The following MACROD2 variants were observed in gnomAD, a reference collection of about 807,000 sequenced individuals.
The protein encoded by MACROD2 is mono-ADP ribosylhydrolase 2.
MACROD2 carries 36 observed loss-of-function variants against 70.4 expected under a neutral mutation model. The observed-to-expected ratio is 0.51, with a 90% CI of 0.39 to 0.68. The LOEUF is 0.68. Ranked by LOEUF, MACROD2 falls within the 30% of genes least tolerant of loss-of-function variation. The probability of loss-of-function intolerance (pLI) is 0.00; values close to 1 mark genes in which losing one functional copy is unlikely to be tolerated. For synonymous variants in MACROD2, 172 were observed against 178.8 expected (o/e 0.96, Z 0.30); for missense variants, 496 against 538.4 (o/e 0.92, Z 0.78).
At chr20:15,847,868 T>C (rs1342246036) in intron 8 of MACROD2, among the ~76,000 whole-genome samples, 1 of 146,166 alleles carries the variant, frequency 6.8e-6, no homozygotes, top group Non-Finnish European at 1.5e-5. Flanking sequence ...CTTTTGTCAT[T>C]GTTTTAATTG....
At chr20:14,911,456 C>A (rs2074026580) in intron 5 of MACROD2, among the ~76,000 whole-genome samples, 2 of 152,120 alleles carry the variant, frequency 1.3e-5, no homozygotes, top group African/African-American at 2.4e-5. Flanking sequence ...TGGCTCACTG[C>A]AGCCTCGGCC....
chr20:14,608,634 A>G (rs1982963481), intron 4 of MACROD2, among the ~76,000 whole-genome samples: 1 of 152,172 alleles, frequency 6.6e-6, no homozygotes, highest in Admixed American at 6.6e-5. Context: ...AGTGGATGAA[A>G]CAGTAAGGTC....
intron 5 of MACROD2, among the ~76,000 whole-genome samples, chr20:15,162,440 A>AGG (rs2076355341): frequency 6.6e-6 from 1 of 152,044 alleles, no homozygotes; most frequent in Non-Finnish European, 1.5e-5. Context: ...TCCAGGAAAA[A>AGG]AATCCACCTG....
chr20:15,402,274 G>A (rs2021974), intron 6 of MACROD2, among the ~76,000 whole-genome samples: 74,414 of 151,948 alleles, frequency 0.49, 20,033 homozygotes, highest in African/African-American at 0.71. Context: ...GTTCTCCAGA[G>A]GCAAGAGGAA....
intron 5 of MACROD2, among the ~76,000 whole-genome samples, chr20:14,798,563 T>C (rs1042614752): frequency 1.3e-5 from 2 of 152,132 alleles, no homozygotes; most frequent in African/African-American, 4.8e-5. Context: ...ACCTTAATGG[T>C]TGTGTAGCTG....
chr20:15,788,220 A>G (rs755337185), intron 8 of MACROD2, among the ~76,000 whole-genome samples: 3 of 152,060 alleles, frequency 2.0e-5, no homozygotes, highest in Non-Finnish European at 4.4e-5. Context: ...CTTAGAAAAC[A>G]CCTTAGAAAA....
At chr20:15,695,329 T>C (rs933041730) in intron 8 of MACROD2, among the ~76,000 whole-genome samples, 27 of 152,210 alleles carry the variant, frequency 1.8e-4, no homozygotes, top group Non-Finnish European at 1.9e-4. Flanking sequence ...TTTTACAATA[T>C]TAATTCTACC....
Position 15,989,969 on chromosome 20 carries a change from A to C in MACROD2, c.1153+2811A>C, listed in dbSNP as rs557200885. Reference sequence around the variant, plus strand: ...CCAGGTATATGGGCACAGATGTTGCAACATTAAGTTTTGAAGTTAGTTCTA... The same window carrying C: ...CCAGGTATATGGGCACAGATGTTGCCACATTAAGTTTTGAAGTTAGTTCTA... On this transcript the variant is annotated intron_variant, in intron 15 of 17. Transcript: ENST00000684519. Among the ~76,000 whole-genome samples the C allele has an allele frequency of 3.9e-5, 6 of 152,296 alleles. No individual in the cohort carries two copies. In the South Asian group the frequency reaches 1.0e-3, roughly 26 times the overall value.
At chr20:14,998,464 A>G (rs8120348) in intron 5 of MACROD2, among the ~76,000 whole-genome samples, 1,532 of 152,306 alleles carry the variant, frequency 0.01, 27 homozygotes, top group African/African-American at 0.035. Context: ...CTGGAGTGGA[A>G]AAATTCAACC....
intron 5 of MACROD2, among the ~76,000 whole-genome samples, chr20:14,755,004 G>A (rs541540810): frequency 6.6e-6 from 1 of 152,128 alleles, no homozygotes; most frequent in Non-Finnish European, 1.5e-5. Context: ...GCTTTGTCCT[G>A]AGGGGATCTT....
intron 2 of MACROD2, among the ~76,000 whole-genome samples, chr20:14,059,134 A>T (rs1569139429): frequency 6.6e-6 from 1 of 152,168 alleles, no homozygotes; most frequent in Non-Finnish European, 1.5e-5. Context: ...AAGATACATT[A>T]ATTTCCCCAG....
intron 2 of MACROD2, among the ~76,000 whole-genome samples, chr20:14,005,698 C>T (rs1762940512): frequency 6.6e-6 from 1 of 151,912 alleles, no homozygotes; most frequent in Non-Finnish European, 1.5e-5. Flanking sequence ...CACCTCCTGG[C>T]TTCAAGCAAT....
At chr20:15,095,767 T>G (rs2075826589) in intron 5 of MACROD2, among the ~76,000 whole-genome samples, 1 of 152,098 alleles carries the variant, frequency 6.6e-6, no homozygotes, top group South Asian at 2.1e-4. Context: ...TCCACCCACC[T>G]TGGCCTCCCG....
chr20:14,420,252 A>G (rs994106832), intron 3 of MACROD2, among the ~76,000 whole-genome samples: 4 of 151,812 alleles, frequency 2.6e-5, no homozygotes, highest in African/African-American at 9.7e-5. Context: ...TATGTTCATT[A>G]TGGTAGTTCT....
chr20:15,581,240 A>G (rs1945502649), intron 8 of MACROD2, among the ~76,000 whole-genome samples: 1 of 152,206 alleles, frequency 6.6e-6, no homozygotes, highest in Admixed American at 6.5e-5. Flanking sequence ...CCTGACAAGA[A>G]TATATTTGCA....
intron 5 of MACROD2, among the ~76,000 whole-genome samples, chr20:15,015,833 G>A (rs1374305087): frequency 6.6e-6 from 1 of 152,224 alleles, no homozygotes; most frequent in East Asian, 1.9e-4. Flanking sequence ...TGCTTTAGCA[G>A]CAAGATGGTT....
intron 3 of MACROD2, among the ~76,000 whole-genome samples, chr20:14,320,220 A>G (rs2082646548): frequency 6.6e-6 from 1 of 152,122 alleles, no homozygotes; most frequent in Non-Finnish European, 1.5e-5. Flanking sequence ...CCTGTGCTGA[A>G]AATCTTCATC....
chr20:14,066,653 T>G lies in MACROD2; in HGVS notation c.164-18968T>G, dbSNP rs1273344951. On this transcript the variant is annotated intron_variant, in intron 2 of 17. Transcript: ENST00000684519. The stretch of plus-strand genomic sequence containing the variant: ...CAATTATTTACTACATGTGACTCAC[T>G]GTAATACTTTAGTTCTAGTCTATAC... Among the ~76,000 whole-genome samples the G allele has an allele frequency of 4.6e-5, 7 of 152,194 alleles. No homozygotes were observed. In the East Asian group the frequency reaches 1.3e-3, roughly 29 times the overall value.
At position 15,738,445 on chromosome 20, in the gene MACROD2, C is replaced by G. The variant is rs115730152; in HGVS notation, c.646-124300C>G. Among the ~76,000 whole-genome samples the G allele has an allele frequency of 2.4e-3, 371 of 152,096 alleles. 1 individual carries two copies. Among genetic ancestry groups the G allele is most frequent in the African/African-American group, 8.1e-3 (334 of 41,480 alleles). ...AAATTAAGGAAGAGGACACGTTTCA[C>G]AGAATTTAATGATATAGATAGGTCT... On this transcript the variant is annotated intron_variant, in intron 8 of 17. Transcript: ENST00000684519.
Sources: allele counts gnomAD v4.1 joint callset (sites outside exome capture counted in the v4.1 genomes callset), GRCh38; gene constraint gnomAD v4.1.1; transcripts MANE v1.5; gene names NCBI Gene and HGNC (gene_info 2026-07-23, HGNC 2026-07-21).